The following RETREG3 variants were observed in gnomAD, a reference collection of about 807,000 sequenced individuals.
RETREG3 encodes the protein reticulophagy regulator 3.
In RETREG3, 23 loss-of-function variants were observed where a neutral mutation model predicts 50.2. The observed-to-expected ratio is 0.46, with a 90% CI of 0.33 to 0.65. RETREG3 has a LOEUF of 0.65. Ranked by LOEUF, RETREG3 falls within the 30% of genes least tolerant of loss-of-function variation. The pLI, the probability that RETREG3 is intolerant of heterozygous loss-of-function variation, is 0.02. For synonymous variants in RETREG3, 240 were observed against 234.4 expected (o/e 1.02, Z -0.22); for missense variants, 546 against 598.0 (o/e 0.91, Z 0.91).
chr17:42,595,336 G>A (rs2093141962), intron 1 of RETREG3, among the ~76,000 whole-genome samples: 1 of 151,270 alleles, frequency 6.6e-6, no homozygotes, highest in Non-Finnish European at 1.5e-5. Context: ...TGAACTCCCT[G>A]ACCTCGTGAT....
At chr17:42,585,612 T>C (rs1410459703) in intron 5 of RETREG3, among the ~76,000 whole-genome samples, 2 of 152,190 alleles carry the variant, frequency 1.3e-5, no homozygotes, top group African/African-American at 4.8e-5. Flanking sequence ...AGTACTTAGT[T>C]CTTCCAGCCC....
intron 1 of RETREG3, among the ~76,000 whole-genome samples, chr17:42,606,702 C>T (rs867343966): frequency 2.0e-5 from 3 of 152,114 alleles, no homozygotes; most frequent in Admixed American, 6.5e-5. Flanking sequence ...TTTAAAAATC[C>T]ATTTAAGGCC....
Position 42,586,815 on chromosome 17 carries a change from T to C in RETREG3, c.454A>G (p.Thr152Ala), listed in dbSNP as rs780713729. Residue 152 changes from threonine (T) to alanine (A), a missense_variant, in exon 4 of 9, where the codon ACC becomes GCC. Coordinates refer to ENST00000309428, the MANE Select transcript of RETREG3 (RefSeq NM_178126.4). Reference protein sequence around the residue: ...HHVAEVWVSGTIFIRNVLLFK... With the variant: ...HHVAEVWVSGAIFIRNVLLFK... The stretch of plus-strand genomic sequence containing the variant: ...AGCAAAACATTCCTTATGAAAATGG[T>C]CCCACTAACCCAGACTTCAGCTACA... 2 of 1,614,072 alleles carry C rather than the reference T, an allele frequency of 1.2e-6. No individual in the cohort carries two copies. Among genetic ancestry groups the C allele is most frequent in the Non-Finnish European group, 1.7e-6 (2 of 1,179,986 alleles).
rs1017651876 is a variant in RETREG3 at position 42,580,494 on chromosome 17, G to A, written c.*1319C>T. On this transcript the variant is annotated 3_prime_UTR_variant, in exon 9 of 9. Transcript: ENST00000309428. ...ATGGACCCAGGGGTTATCAGAAACC[G>A]AAGATTAACTACACAGCTCCAGAAG... 3.9e-5 allele frequency: 6 copies of A among 152,720 alleles called. No individual in the cohort carries two copies. The highest frequency in any genetic ancestry group is 1.9e-4 in the East Asian group (1 of 5,336). 9.5% of individuals were successfully genotyped at this position (152,720 alleles called of 1,614,324 possible).
chr17:42,597,618 TA>T (rs1424167535), intron 1 of RETREG3, among the ~76,000 whole-genome samples: 32 of 12,398 alleles, frequency 2.6e-3, no homozygotes, highest in African/African-American at 0.01. Context: ...TATATATATA[TA>T]TTTTTTTTTT....
intron 7 of RETREG3, among the ~76,000 whole-genome samples, chr17:42,583,270 G>A (rs2093113892): frequency 6.6e-6 from 1 of 152,196 alleles, no homozygotes; most frequent in African/African-American, 2.4e-5. Context: ...AGATACGGAA[G>A]AGCGGTGCTG....
chr17:42,585,246 C>T lies in RETREG3; in HGVS notation c.606G>A (p.Met202Ile), dbSNP rs140770314. The T allele has an allele frequency of 9.9e-6, 16 of 1,613,806 alleles. No individual in the cohort carries two copies. Among genetic ancestry groups the T allele is most frequent in the African/African-American group, 1.3e-5 (1 of 75,018 alleles). Residue 202 changes from methionine (M) to isoleucine (I), a missense_variant, in exon 6 of 9, where the codon ATG becomes ATA. Transcript: ENST00000309428. The part of the protein sequence containing the change: ...LSYLMLVTVM[M>I]WPLAVYHRLW... ...GTCGGTGGTACACAGCAAGGGGCCA[C>T]ATCATGACAGTGACAACTGTGAGGA...
At chr17:42,597,619 ATTTTTTTTT>A (rs869223820) in intron 1 of RETREG3, among the ~76,000 whole-genome samples, 3 of 14,366 alleles carry the variant, frequency 2.1e-4, no homozygotes, top group Admixed American at 2.2e-3. Flanking sequence ...ATATATATAT[ATTTTTTTTT>A]TTTTTTTTTT....
At chr17:42,608,906 T>C (rs2093173583) in intron 1 of RETREG3, 180 bp downstream of exon 1, 8 of 625,230 alleles carry the variant, frequency 1.3e-5, no homozygotes, top group Non-Finnish European at 2.2e-5. Flanking sequence ...TGGACGGCCC[T>C]GGGAAGAACT....
At chr17:42,600,986 A>C (rs537655856) in intron 1 of RETREG3, among the ~76,000 whole-genome samples, 1 of 152,212 alleles carries the variant, frequency 6.6e-6, no homozygotes, top group East Asian at 1.9e-4. Context: ...CAAAAAAAAC[A>C]ATGAATGGGC....
Position 42,583,273 on chromosome 17 carries a change from C to T in RETREG3, c.810+225G>A, listed in dbSNP as rs1309837316. 5.9e-5 allele frequency among the ~76,000 whole-genome samples: 9 copies of T among 152,028 alleles called. No homozygotes were observed. The South Asian group carries it at 6.2e-4, about 11-fold the overall frequency. On this transcript the variant is annotated intron_variant, in intron 7 of 8. Coordinates refer to ENST00000309428, the MANE Select transcript of RETREG3 (RefSeq NM_178126.4). ...TAGGGTAAAAAGAGATACGGAAGAG[C>T]GGTGCTGGGCATCAGGCTCTAATTG...
chr17:42,584,299 T>C (rs1030732547), intron 6 of RETREG3, among the ~76,000 whole-genome samples: 3 of 152,124 alleles, frequency 2.0e-5, no homozygotes, highest in South Asian at 2.1e-4. Flanking sequence ...CCAAGGGGAC[T>C]TGGGCCTTGG....
At chr17:42,608,932 G>C in intron 1 of RETREG3, 154 bp downstream of exon 1, 1 of 717,176 alleles carries the variant, frequency 1.4e-6, no homozygotes, top group Non-Finnish European at 2.3e-6. Flanking sequence ...GCCGAAGCCT[G>C]CAGGCGGGAT....
intron 8 of RETREG3, 46 bp downstream of exon 8, chr17:42,582,628 G>A: frequency 6.2e-7 from 1 of 1,610,786 alleles, no homozygotes; most frequent in Non-Finnish European, 8.5e-7. Flanking sequence ...AAGCTAAGAG[G>A]CAACAGTCAG....
intron 1 of RETREG3, among the ~76,000 whole-genome samples, chr17:42,606,851 C>G (rs913423239): frequency 6.6e-6 from 1 of 151,428 alleles, no homozygotes; most frequent in East Asian, 2.0e-4. Flanking sequence ...CAAAAATTAG[C>G]CAGGCATTGG....
intron 1 of RETREG3, among the ~76,000 whole-genome samples, chr17:42,596,376 A>G (rs2093144767): frequency 5.5e-5 from 2 of 36,200 alleles, no homozygotes; most frequent in Non-Finnish European, 1.4e-4. Flanking sequence ...AAAAAAAAAA[A>G]AAAAAAAAAA....
At chr17:42,598,013 G>A (rs1275439564) in intron 1 of RETREG3, among the ~76,000 whole-genome samples, 3 of 121,130 alleles carry the variant, frequency 2.5e-5, no homozygotes, top group East Asian at 2.3e-4. Flanking sequence ...ACGGAGTCTC[G>A]CTCTGTTGCC....
At chr17:42,608,940 G>A (rs1002796516) in intron 1 of RETREG3, 146 bp downstream of exon 1, 10 of 748,874 alleles carry the variant, frequency 1.3e-5, no homozygotes, top group Admixed American at 8.6e-5. Context: ...CTGCAGGCGG[G>A]ATGGAGTGGA....
chr17:42,597,497 TTGTG>T (rs71157646), intron 1 of RETREG3, among the ~76,000 whole-genome samples: 4,402 of 116,630 alleles, frequency 0.038, 334 homozygotes, highest in African/African-American at 0.13. Flanking sequence ...AGAATCTATT[TTGTG>T]TGTGTGTGTG....
Sources: gnomAD v4.1 joint callset for allele counts (sites outside exome capture counted in the v4.1 genomes callset) on GRCh38, gnomAD v4.1.1 for gene constraint, MANE v1.5 for transcripts, NCBI Gene and HGNC (gene_info 2026-07-23, HGNC 2026-07-21) for gene names.